The following URB2 variants were observed in gnomAD, a reference collection of about 807,000 sequenced individuals.
URB2 encodes unhealthy ribosome biogenesis protein 2 homolog.
A neutral mutation model predicts 120.9 loss-of-function variants in URB2; 86 were observed. The observed-to-expected ratio is 0.71, with a 90% CI of 0.60 to 0.85. The LOEUF is 0.85. URB2 is among the 40% of genes least tolerant of loss of function. The pLI is 0.00. For missense variants in URB2, 1,765 were observed against 1,836.5 expected (o/e 0.96, Z 0.71); for synonymous variants, 755 against 758.4 (o/e 1.00, Z 0.07).
At chr1:229,639,491 C>G (rs868272565) in intron 4 of URB2, among the ~76,000 whole-genome samples, 1 of 151,968 alleles carries the variant, frequency 6.6e-6, no homozygotes, top group Non-Finnish European at 1.5e-5. Flanking sequence ...CCCGCCACCA[C>G]GCCCGGCTAA....
intron 4 of URB2, among the ~76,000 whole-genome samples, chr1:229,639,597 A>G (rs1665951423): frequency 6.6e-6 from 1 of 152,054 alleles, no homozygotes. Flanking sequence ...CAGCCTCCCA[A>G]AGTACTGGGA....
rs1666478261 is a variant in URB2, at chr1:229,659,666, G to A, written c.*369G>A. The A allele has an allele frequency of 5.9e-6, 1 of 168,888 alleles. No individual in the cohort carries two copies. The highest frequency in any genetic ancestry group is 1.3e-5 in the Non-Finnish European group (1 of 78,392). 10.5% of individuals were successfully genotyped at this position (168,888 alleles called of 1,614,324 possible). ...TACATAAAACTTGGCTTTTTACTTTGGGTACATGGGCGTATAATTCAGCCC... is the reference window on the plus strand; with the variant it reads ...TACATAAAACTTGGCTTTTTACTTTAGGTACATGGGCGTATAATTCAGCCC... On this transcript the variant is annotated 3_prime_UTR_variant, in exon 10 of 10. Transcript: ENST00000258243.
chr1:229,645,820 C>T (rs777678939), intron 5 of URB2, 39 bp from the exon 6 acceptor site: 11 of 1,560,952 alleles, frequency 7.0e-6, no homozygotes, highest in East Asian at 4.5e-5. Context: ...AGGGAGAACA[C>T]GCTATCTCTG....
At chr1:229,631,339 A>G (rs1443110354) in intron 2 of URB2, among the ~76,000 whole-genome samples, 1 of 152,234 alleles carries the variant, frequency 6.6e-6, no homozygotes, top group African/African-American at 2.4e-5. Context: ...CATATCAGCA[A>G]TAGGCGGTTT....
At position 229,635,880 on chromosome 1, in the gene URB2, T is replaced by C; in HGVS notation, c.1267T>C (p.Leu423=). ...TTTGATATCTCTGAATCATTTGATT[T>C]TGGAGCCAGACCTGGATGACCTGCT... ...KTLISLNHLI[L]EPDLDDLLAS... The change falls in exon 4 of 10, where the codon TTG becomes CTG. Residue 423 remains leucine, a synonymous_variant. Transcript: ENST00000258243. 1 of 1,614,210 alleles carries C rather than the reference T, an allele frequency of 6.2e-7. No homozygotes were observed. The highest frequency in any genetic ancestry group is 1.7e-5 in the Admixed American group (1 of 60,026).
intron 8 of URB2, among the ~76,000 whole-genome samples, chr1:229,652,646 A>G (rs1374148262): frequency 6.6e-6 from 1 of 152,214 alleles, no homozygotes; most frequent in African/African-American, 2.4e-5. Flanking sequence ...TTCCCCTCCC[A>G]TGCCAGCCTC....
chr1:229,648,869 T>C (rs1666209507), intron 7 of URB2, among the ~76,000 whole-genome samples: 1 of 152,238 alleles, frequency 6.6e-6, no homozygotes, highest in Admixed American at 6.5e-5. Context: ...GCAAACACCA[T>C]AGATCGTATA....
intron 5 of URB2, 46 bp downstream of exon 5, chr1:229,643,739 C>T (rs754967244): frequency 1.0e-5 from 16 of 1,588,486 alleles, no homozygotes; most frequent in South Asian, 6.8e-5. Context: ...GAAACCACGT[C>T]GGCTCAAATG....
chr1:229,659,172 C>T lies in URB2; in HGVS notation c.4450C>T (p.Pro1484Ser). Residue 1484 changes from proline to serine, a missense_variant, in exon 10 of 10, where the codon CCT becomes TCT. Pro to Ser is a moderately conservative substitution (Grantham distance 74). Transcript: ENST00000258243. The part of the protein sequence containing the change: ...IYLILDLCIE[P>S]DVQFLRASLQ... The stretch of plus-strand genomic sequence containing the variant: ...CCTCATCCTGGACCTCTGCATCGAG[C>T]CTGACGTCCAGTTCCTGCGGGCCTC... 6.2e-7 allele frequency: 1 copy of T among 1,613,422 alleles called. No homozygotes were observed. The highest frequency in any genetic ancestry group is 8.5e-7 in the Non-Finnish European group (1 of 1,180,038).
At chr1:229,652,662 G>T (rs1234332188) in intron 8 of URB2, among the ~76,000 whole-genome samples, 2 of 152,228 alleles carry the variant, frequency 1.3e-5, no homozygotes, top group Non-Finnish European at 2.9e-5. Flanking sequence ...GCCTCAGCAA[G>T]TTGGTGGTGG....
chr1:229,644,241 GGAA>G (rs1278311861), intron 5 of URB2, among the ~76,000 whole-genome samples: 1 of 152,260 alleles, frequency 6.6e-6, no homozygotes, highest in Non-Finnish European at 1.5e-5. Flanking sequence ...TCTTACGCAA[GGAA>G]GAAGGCCACA....
chr1:229,637,858 C>T lies in URB2; in HGVS notation c.3245C>T (p.Ala1082Val), dbSNP rs753066037. 1 of 1,603,254 alleles carries T rather than the reference C, an allele frequency of 6.2e-7. No homozygotes were observed. The highest frequency in any genetic ancestry group is 1.1e-5 in the South Asian group (1 of 89,872). Residue 1082 changes from alanine (A) to valine (V), a missense_variant, in exon 4 of 10, where the codon GCA becomes GTA. Physicochemically the swap from Ala to Val is moderately conservative, Grantham distance 64 (BLOSUM62 0). Transcript: ENST00000258243. ...CAGAAGCTGGGCCAAGAGGCCCCAG[C>T]AGCACTGTCTGAGCTGCTGCAGCAG... ...KEQKLGQEAP[A>V]ALSELLQQVV...
intron 1 of URB2, among the ~76,000 whole-genome samples, chr1:229,626,813 C>T (rs1260199717): frequency 6.6e-6 from 1 of 152,244 alleles, no homozygotes; most frequent in Non-Finnish European, 1.5e-5. Flanking sequence ...CTTAGAAAGT[C>T]AGGCATCGTT....
In URB2 at chr1:229,636,030, G is replaced by GT. The variant is rs763473884; in HGVS notation, c.1421dup (p.Leu474PhefsTer10). ...ACAAGTGCCACGGTTGTTTGAAGAG[G>GT]TTTTGGGGGTGATCTGTCGTCCAGC... is the stretch of plus-strand genomic sequence containing the variant. On this transcript the variant is annotated frameshift_variant, in exon 4 of 10. Transcript: ENST00000258243. LOFTEE classifies it high-confidence loss of function. The GT allele has an allele frequency of 3.1e-6, 5 of 1,614,084 alleles. No individual in the cohort carries two copies. The highest frequency in any genetic ancestry group is 4.2e-6 in the Non-Finnish European group (5 of 1,179,948).
rs77393719 is a variant in URB2 at position 229,655,944 on chromosome 1, T to A, written c.4377+1556T>A. On this transcript the variant is annotated intron_variant, in intron 9 of 9. Transcript: ENST00000258243. Reference sequence around the variant, plus strand: ...GATACATCTAGAACTACTAAATAATTTCTACCCCGCTGGCCTTGCTCACCT... The same window carrying A: ...GATACATCTAGAACTACTAAATAATATCTACCCCGCTGGCCTTGCTCACCT... Among the ~76,000 whole-genome samples the A allele has an allele frequency of 3.6e-3, 550 of 152,302 alleles. 5 individuals are homozygous for A. The highest frequency in any genetic ancestry group is 0.013 in the African/African-American group (523 of 41,564).
intron 4 of URB2, among the ~76,000 whole-genome samples, chr1:229,639,636 A>G (rs1665952278): frequency 6.6e-6 from 1 of 152,164 alleles, no homozygotes. Context: ...ATGTCCAGCC[A>G]AATCACTTAA....
At chr1:229,634,113 A>G (rs543999602) in intron 3 of URB2, among the ~76,000 whole-genome samples, 7 of 152,080 alleles carry the variant, frequency 4.6e-5, no homozygotes, top group Non-Finnish European at 1.0e-4. Context: ...GATTACAGGC[A>G]TGAGCCACCA....
Position 229,637,457 on chromosome 1 carries a change from TC to T in URB2, c.2845del (p.Gly950ValfsTer26). On this transcript the variant is annotated frameshift_variant, in exon 4 of 10. Coordinates refer to ENST00000258243, the MANE Select transcript of URB2 (RefSeq NM_014777.4). LOFTEE classifies it high-confidence loss of function. ...LKFLTTCYQL[L>X]GYLQKGKSAR... ...AGTTCTTGACGACTTGCTACCAACT[TC>T]TTGGTTACTTGCAAAAGGGGAAAAG... 6.2e-7 allele frequency: 1 copy of T among 1,614,176 alleles called. No homozygotes were observed. The highest frequency in any genetic ancestry group is 8.5e-7 in the Non-Finnish European group (1 of 1,180,044).
intron 8 of URB2, 26 bp downstream of exon 8, chr1:229,651,348 G>A: frequency 6.3e-7 from 1 of 1,594,040 alleles, no homozygotes; most frequent in South Asian, 1.1e-5. Context: ...ATCAGACACA[G>A]TTTCAAATAT....
Sources: gnomAD v4.1 joint callset for allele counts (sites outside exome capture counted in the v4.1 genomes callset) on GRCh38, gnomAD v4.1.1 for gene constraint, MANE v1.5 for transcripts, NCBI Gene and HGNC (gene_info 2026-07-23, HGNC 2026-07-21) for gene names.